The following ANLN variants were observed in gnomAD, a reference collection of about 807,000 sequenced individuals.
ANLN encodes anillin, actin binding protein.
A neutral mutation model predicts 135.1 loss-of-function variants in ANLN; 59 were observed. The ratio of observed to expected loss-of-function variants is 0.44; its 90% confidence interval spans 0.35 to 0.54. ANLN has a LOEUF of 0.54. Among genes scored for constraint, ANLN ranks in the 20% least tolerant of loss-of-function variants. The probability of loss-of-function intolerance (pLI) is 0.00; values close to 1 mark genes in which losing one functional copy is unlikely to be tolerated. For missense variants in ANLN, 1,182 were observed against 1,340.0 expected, an observed-to-expected ratio of 0.88 and a Z score of 1.84; for synonymous variants, 406 against 456.4, an observed-to-expected ratio of 0.89 and a Z score of 1.41.
At chr7:36,447,899 A>G (rs1291125298) in intron 22 of ANLN, among the ~76,000 whole-genome samples, 1 of 152,172 alleles carries the variant, frequency 6.6e-6, no homozygotes, top group Admixed American at 6.5e-5. Flanking sequence ...ACCATGGATA[A>G]GTGGGGGGCT....
rs766163761 is a variant in ANLN, at chr7:36,421,888, C to T, written c.2195C>T (p.Thr732Ile). The T allele has an allele frequency of 2.5e-6, 4 of 1,612,910 alleles. No homozygotes were observed. The South Asian group carries it at 3.3e-5, about 13-fold the overall frequency. ...ELNNEINMQQTVIYQASQALN... is the reference protein window; with the variant it reads ...ELNNEINMQQIVIYQASQALN... ...AATAACGAAATAAATATGCAACAGA[C>T]AGTGATCTATCAAGCTAGCCAGGCT... The change falls in exon 13 of 24, where the codon ACA becomes ATA. Residue 732 changes from threonine to isoleucine, a missense_variant. Around this residue, in one of 3 missense-constraint regions of ANLN, gnomAD observed 1,022 missense variants for 1,134.0 expected, o/e 0.90. Transcript: ENST00000265748.
chr7:36,443,885 G>T, intron 22 of ANLN, 23 bp downstream of exon 22: 1 of 1,519,238 alleles, frequency 6.6e-7, no homozygotes, highest in Non-Finnish European at 9.0e-7. Context: ...GTACTGTTTA[G>T]TGGTGAAAGC....
In ANLN at chr7:36,439,291, GTAA is replaced by G; in HGVS notation, c.2970+2_2970+4del. 6.7e-7 allele frequency: 1 copy of G among 1,497,006 alleles called. No homozygotes were observed. The highest frequency in any genetic ancestry group is 9.2e-7 in the Non-Finnish European group (1 of 1,084,150). 92.7% of individuals were successfully genotyped at this position (1,497,006 alleles called of 1,614,324 possible). On this transcript the variant is annotated splice_donor_variant and splice_donor_region_variant and intron_variant, in intron 21 of 23. Coordinates refer to ENST00000265748, the MANE Select transcript of ANLN (RefSeq NM_018685.5). LOFTEE classifies it high-confidence loss of function. ...CAGTGTTGAAGAAAGAGGTTTTCTAGTAAGTAACATCACTTAGTCTTTAACTTC... is the reference window on the plus strand; with the variant it reads ...CAGTGTTGAAGAAAGAGGTTTTCTAGGTAACATCACTTAGTCTTTAACTTC...
At chr7:36,420,498 A>G (rs1365929055) in intron 11 of ANLN, 99 bp from the exon 12 acceptor site, 7 of 1,263,122 alleles carry the variant, frequency 5.5e-6, no homozygotes, top group South Asian at 4.1e-5. Context: ...TTCTGCTGAC[A>G]TGTTCAATAT....
At chr7:36,452,301 T>C (rs1373299665) in intron 23 of ANLN, among the ~76,000 whole-genome samples, 176 bp from the exon 24 acceptor site, 2 of 152,248 alleles carry the variant, frequency 1.3e-5, no homozygotes, top group Non-Finnish European at 2.9e-5. Context: ...ATAATTTTCC[T>C]CTGTTTTATT....
chr7:36,411,136 C>T lies in ANLN; in HGVS notation c.1365C>T (p.Asn455=), dbSNP rs1385134751. 1.2e-6 allele frequency: 2 copies of T among 1,607,604 alleles called. No homozygotes were observed. The highest frequency in any genetic ancestry group is 1.7e-6 in the Non-Finnish European group (2 of 1,178,626). ...GNIWSAEKGG[N]SKSKQLETKQ... ...TATGGAGTGCAGAAAAAGGCGGAAA[C>T]TCAAAAAGCAAACAACTAGAAACCA... The change falls in exon 7 of 24, where the codon AAC becomes AAT. Residue 455 remains asparagine (N), a synonymous_variant. Transcript: ENST00000265748.
intron 1 of ANLN, among the ~76,000 whole-genome samples, chr7:36,392,410 C>T (rs889708113): frequency 1.3e-5 from 2 of 150,782 alleles, no homozygotes; most frequent in African/African-American, 2.5e-5. Flanking sequence ...TCAGAGATGA[C>T]TTTGGGGTGT....
At chr7:36,440,967 C>A (rs1468018971) in intron 21 of ANLN, among the ~76,000 whole-genome samples, 1 of 151,968 alleles carries the variant, frequency 6.6e-6, no homozygotes, top group Non-Finnish European at 1.5e-5. Flanking sequence ...TAAGGAAAGC[C>A]CGGTGGTCTA....
chr7:36,444,319 G>GGTGTGT (rs375976504), intron 22 of ANLN, among the ~76,000 whole-genome samples: 11 of 149,340 alleles, frequency 7.4e-5, no homozygotes, highest in South Asian at 4.2e-4. Context: ...TTTTGTTGTA[G>GGTGTGT]GTGTGTGTGT....
intron 4 of ANLN, among the ~76,000 whole-genome samples, 198 bp from the exon 5 acceptor site, chr7:36,407,536 T>C (rs1414363691): frequency 6.6e-6 from 1 of 152,196 alleles, no homozygotes; most frequent in Non-Finnish European, 1.5e-5. Flanking sequence ...CATATTATGA[T>C]TTAAATCATA....
At chr7:36,410,766 A>G in intron 6 of ANLN, 62 bp downstream of exon 6, 1 of 1,485,356 alleles carries the variant, frequency 6.7e-7, no homozygotes, top group Non-Finnish European at 9.1e-7. Context: ...CTAGAAATCA[A>G]AATGGGTTCT....
chr7:36,406,722 GA>G (rs1430071073), intron 4 of ANLN, among the ~76,000 whole-genome samples, 156 bp downstream of exon 4: 1 of 152,150 alleles, frequency 6.6e-6, no homozygotes, highest in East Asian at 1.9e-4. Flanking sequence ...CGGTTTCTTA[GA>G]AAGTGAAAAT....
At chr7:36,447,672 G>C (rs71537991) in intron 22 of ANLN, among the ~76,000 whole-genome samples, 3 of 152,064 alleles carry the variant, frequency 2.0e-5, no homozygotes, top group Admixed American at 1.3e-4. Flanking sequence ...CTATAACTCA[G>C]AACGCTACTA....
At position 36,420,664 on chromosome 7, in the gene ANLN, C is replaced by G. The variant is rs375850531; in HGVS notation, c.2083C>G (p.Arg695Gly). The change falls in exon 12 of 24, where the codon CGG (arginine) becomes GGG (glycine). Residue 695 changes from arginine to glycine, a missense_variant. Transcript: ENST00000265748. ...ERPSIKQVIV[R>G]KEDVTSKLDE... is the part of the protein sequence containing the mutation. The stretch of plus-strand genomic sequence containing the variant: ...TCCATCAATAAAGCAGGTGATTGTT[C>G]GGAAGGAAGATGTTACTTCAAAACT... 4 of 1,612,924 alleles carry G rather than the reference C, an allele frequency of 2.5e-6. No homozygotes were observed. The highest frequency in any genetic ancestry group is 3.4e-6 in the Non-Finnish European group (4 of 1,179,138).
chr7:36,417,228 A>G (rs1177094759), intron 9 of ANLN, 38 bp downstream of exon 9: 2 of 1,123,428 alleles, frequency 1.8e-6, no homozygotes, highest in East Asian at 4.9e-5. Context: ...AACTTTGCAC[A>G]TACTATAGGA....
chr7:36,402,481 C>T (rs1786994758), intron 3 of ANLN, among the ~76,000 whole-genome samples: 1 of 152,106 alleles, frequency 6.6e-6, no homozygotes, highest in African/African-American at 2.4e-5. Context: ...TGTCCAGTCC[C>T]TCCTCAATTT....
rs1389719415 is a variant in ANLN, at chr7:36,415,814, G to T, written c.1452G>T (p.Gln484His). Residue 484 changes from glutamine to histidine, a missense_variant, in exon 8 of 24, where the codon CAG becomes CAT. This residue lies in a region of ANLN where 1,022 missense variants were observed against 1,134.0 expected (regional missense o/e 0.90). Coordinates refer to ENST00000265748, the MANE Select transcript of ANLN (RefSeq NM_018685.5). ...LKKHQGVSKT[Q>H]SLPVTEKVTE... Reference sequence around the variant, plus strand: ...AACACCAAGGTGTTTCAAAAACTCAGTCACTTCCAGTAACAGAAAAGGTGA... The same window carrying T: ...AACACCAAGGTGTTTCAAAAACTCATTCACTTCCAGTAACAGAAAAGGTGA... 6.2e-7 allele frequency: 1 copy of T among 1,610,456 alleles called. No individual in the cohort carries two copies. The highest frequency in any genetic ancestry group is 8.5e-7 in the Non-Finnish European group (1 of 1,178,780).
intron 8 of ANLN, among the ~76,000 whole-genome samples, chr7:36,416,195 A>G (rs1000731990): frequency 6.6e-6 from 1 of 151,752 alleles, no homozygotes; most frequent in African/African-American, 2.4e-5. Context: ...TAATTTTTGT[A>G]TTTTTAGTAG....
At chr7:36,424,499 A>G in intron 15 of ANLN, 46 bp from the exon 16 acceptor site, 1 of 1,464,702 alleles carries the variant, frequency 6.8e-7, no homozygotes, top group South Asian at 1.2e-5. Flanking sequence ...TAATGGTGTG[A>G]TTGAGGTTTT....
Sources: gnomAD v4.1 joint callset for allele counts (sites outside exome capture counted in the v4.1 genomes callset) on GRCh38, gnomAD v4.1.1 for gene constraint, gnomAD v4.1.1 regional missense constraint, MANE v1.5 for transcripts, NCBI Gene and HGNC (gene_info 2026-07-23, HGNC 2026-07-21) for gene names.